Variants in RIMBP2 observed in about 807,000 individuals in gnomAD.
RIMBP2 encodes RIMS binding protein 2.
Under a neutral mutation model 118.6 loss-of-function variants are expected in RIMBP2, and 48 were observed. The observed-to-expected ratio is 0.40, with a 90% CI of 0.32 to 0.51. The LOEUF (loss-of-function observed/expected upper bound fraction) is 0.51, where lower values mean the gene tolerates loss of function less well. Among genes scored for constraint, RIMBP2 ranks in the 20% least tolerant of loss-of-function variants. RIMBP2 has a pLI of 0.41. For synonymous variants in RIMBP2, 762 were observed against 742.9 expected, an observed-to-expected ratio of 1.03 and a Z score of -0.42; for missense variants, 1,551 against 1,768.3, an observed-to-expected ratio of 0.88 and a Z score of 2.20.
intron 4 of RIMBP2, among the ~76,000 whole-genome samples, chr12:130,497,491 C>T (rs796502923): frequency 3.9e-5 from 6 of 152,320 alleles, no homozygotes; most frequent in South Asian, 4.1e-4. Flanking sequence ...CCGCATCCGA[C>T]GAACAGAACT....
intron 4 of RIMBP2, among the ~76,000 whole-genome samples, chr12:130,502,199 G>C (rs1389092227): frequency 6.6e-6 from 1 of 152,124 alleles, no homozygotes; most frequent in African/African-American, 2.4e-5. Flanking sequence ...TGGACCGGAG[G>C]AGCTGTTCAG....
At chr12:130,423,279 G>A (rs908093119) in intron 16 of RIMBP2, among the ~76,000 whole-genome samples, 29 of 152,198 alleles carry the variant, frequency 1.9e-4, no homozygotes, top group Non-Finnish European at 2.9e-4. Flanking sequence ...GGGATGAGGC[G>A]TGTCTGCTGC....
At chr12:130,412,540 TCAC>T in intron 19 of RIMBP2, 76 bp downstream of exon 19, 1 of 1,342,874 alleles carries the variant, frequency 7.4e-7, no homozygotes, top group Non-Finnish European at 1.0e-6. Flanking sequence ...GGTCTCCTCA[TCAC>T]CGCCTGCCTC....
rs3741574 is a variant in RIMBP2 at position 130,419,364 on chromosome 12, A to C, written c.3238+3089T>G. Among the ~76,000 whole-genome samples the C allele has an allele frequency of 0.32, 48,242 of 152,028 alleles. 10,656 individuals are homozygous for C. The highest frequency in any genetic ancestry group is 0.61 in the African/African-American group (25,432 of 41,430). Reference sequence around the variant, plus strand: ...GTGGGAGATCAGGGCTCATGCCTGGACGCCTGGGTGGGCTCCCAAATCCAC... The same window carrying C: ...GTGGGAGATCAGGGCTCATGCCTGGCCGCCTGGGTGGGCTCCCAAATCCAC... On this transcript the variant is annotated intron_variant, in intron 17 of 22. Transcript: ENST00000690449. The surrounding 1 kb of genome is among the most constrained non-coding windows in gnomAD (Gnocchi z 4.3).
chr12:130,627,855 G>A (rs576525144), intron 2 of RIMBP2, among the ~76,000 whole-genome samples: 2 of 152,248 alleles, frequency 1.3e-5, no homozygotes, highest in East Asian at 1.9e-4. Flanking sequence ...CATGGTCGCC[G>A]CCTAATCCTC....
chr12:130,435,260 T>C (rs1380988883), intron 13 of RIMBP2, among the ~76,000 whole-genome samples: 1 of 152,002 alleles, frequency 6.6e-6, no homozygotes, highest in Admixed American at 6.6e-5. Context: ...GTCAGGCTGG[T>C]CTCAAACTCC....
At chr12:130,712,106 G>A (rs1949959852) in intron 1 of RIMBP2, among the ~76,000 whole-genome samples, 1 of 152,252 alleles carries the variant, frequency 6.6e-6, no homozygotes, top group Admixed American at 6.5e-5. Context: ...GTGACTCTGG[G>A]TGGGTGAGTG....
intron 17 of RIMBP2, among the ~76,000 whole-genome samples, chr12:130,417,910 A>G (rs1298413946): frequency 6.6e-6 from 1 of 152,078 alleles, no homozygotes; most frequent in Admixed American, 6.5e-5. Context: ...TGATCATGGG[A>G]GGTGGTCTCA....
Position 130,428,237 on chromosome 12 carries a change from A to C in RIMBP2, c.2354T>G (p.Met785Arg). 6.2e-7 allele frequency: 1 copy of C among 1,613,284 alleles called. No homozygotes were observed. The highest frequency in any genetic ancestry group is 8.5e-7 in the Non-Finnish European group (1 of 1,179,656). ...EEDEEELYSEMQLEDGGRRRP... is the reference protein window; with the variant it reads ...EEDEEELYSERQLEDGGRRRP... ...CCTCCTTCCCCCATCTTCCAGCTGC[A>C]TTTCAGAATACAGCTCCTCCTCGTC... Residue 785 changes from methionine to arginine, a missense_variant, in exon 15 of 23, where the codon ATG becomes AGG. Physicochemically the swap from Met to Arg is moderately conservative, Grantham distance 91 (BLOSUM62 -1). Around this residue, in one of 5 missense-constraint regions of RIMBP2, gnomAD observed 1,038 missense variants for 1,125.1 expected, o/e 0.92. Transcript: ENST00000690449.
At chr12:130,639,997 A>G (rs976019551) in intron 1 of RIMBP2, among the ~76,000 whole-genome samples, 1 of 152,186 alleles carries the variant, frequency 6.6e-6, no homozygotes. Flanking sequence ...CAGGAAGTCT[A>G]ACCCTGTGGG....
At chr12:130,485,193 C>T (rs1339964059) in intron 4 of RIMBP2, among the ~76,000 whole-genome samples, 2 of 152,312 alleles carry the variant, frequency 1.3e-5, no homozygotes, top group African/African-American at 2.4e-5. Flanking sequence ...GGTAAAATGA[C>T]GGTGAGAAAT....
intron 1 of RIMBP2, among the ~76,000 whole-genome samples, chr12:130,630,058 A>C (rs12321032): frequency 0.061 from 9,214 of 151,824 alleles, 424 homozygotes; most frequent in East Asian, 0.24. Flanking sequence ...TAAAAAGACC[A>C]ATGAAGGACA....
intron 2 of RIMBP2, among the ~76,000 whole-genome samples, chr12:130,543,330 T>C (rs984003029): frequency 2.6e-5 from 4 of 152,206 alleles, no homozygotes; most frequent in African/African-American, 9.6e-5. Context: ...CCCCCAAATA[T>C]GGCCACTTCT....
intron 2 of RIMBP2, among the ~76,000 whole-genome samples, chr12:130,570,313 C>G (rs1393372381): frequency 6.6e-6 from 1 of 152,008 alleles, no homozygotes; most frequent in Non-Finnish European, 1.5e-5. Context: ...GAAGGCCCAG[C>G]TAGTTGGGAG....
chr12:130,652,750 G>C (rs1251868331), intron 1 of RIMBP2, among the ~76,000 whole-genome samples: 2 of 152,182 alleles, frequency 1.3e-5, no homozygotes, highest in African/African-American at 4.8e-5. Context: ...AGGCAGCATG[G>C]TGCCAGCACC....
At chr12:130,587,864 G>T (rs2059014136) in intron 2 of RIMBP2, among the ~76,000 whole-genome samples, 1 of 151,370 alleles carries the variant, frequency 6.6e-6, no homozygotes, top group Non-Finnish European at 1.5e-5. Flanking sequence ...GAAGAGATGG[G>T]GGAGCGGTGT....
intron 1 of RIMBP2, among the ~76,000 whole-genome samples, chr12:130,682,444 A>AT (rs1397107329): frequency 6.6e-6 from 1 of 152,238 alleles, no homozygotes; most frequent in Non-Finnish European, 1.5e-5. Flanking sequence ...GAGTTCCTGG[A>AT]TTTTTGCTGC....
chr12:130,555,041 T>C (rs1391271787), intron 2 of RIMBP2, among the ~76,000 whole-genome samples: 1 of 152,214 alleles, frequency 6.6e-6, no homozygotes, highest in East Asian at 1.9e-4. Flanking sequence ...AGAATAACTC[T>C]GTGAAGTAGG....
chr12:130,463,985 C>T (rs554253431), intron 6 of RIMBP2, among the ~76,000 whole-genome samples: 72 of 152,288 alleles, frequency 4.7e-4, no homozygotes, highest in Admixed American at 1.6e-3. Flanking sequence ...CTCCCCTCAG[C>T]GCCATGACAG....
Sources: allele counts gnomAD v4.1 joint callset (sites outside exome capture counted in the v4.1 genomes callset), GRCh38; gene constraint gnomAD v4.1.1; regional missense constraint gnomAD v4.1.1; non-coding constraint Gnocchi (gnomAD v3.1); transcripts MANE v1.5; gene names NCBI Gene and HGNC (gene_info 2026-07-23, HGNC 2026-07-21).